Variants in PHRF1 observed in about 807,000 individuals in gnomAD.
The protein encoded by PHRF1 is PHD and ring finger domains 1, also known as PHD and RING finger domain-containing protein 1.
In PHRF1, 53 loss-of-function variants were observed where a neutral mutation model predicts 128.9. That is an observed-to-expected ratio of 0.41 (90% CI 0.33 to 0.52). PHRF1 has a LOEUF of 0.52. Ranked by LOEUF, PHRF1 falls within the 20% of genes least tolerant of loss-of-function variation. The probability of loss-of-function intolerance (pLI) is 0.21; values close to 1 mark genes in which losing one functional copy is unlikely to be tolerated. For missense variants in PHRF1, 2,503 were observed against 2,284.5 expected (o/e 1.10, Z -1.95); for synonymous variants, 1,178 against 980.6 (o/e 1.20, Z -3.76).
chr11:606,831 C>T (rs878899665), intron 13 of PHRF1: 2 of 873,034 alleles, frequency 2.3e-6, no homozygotes, highest in African/African-American at 1.7e-5. Context: ...GGGGTACTGC[C>T]CCCGCCCCTG....
chr11:592,801 C>A, intron 6 of PHRF1, 127 bp downstream of exon 6: 1 of 1,003,292 alleles, frequency 1.0e-6, no homozygotes, highest in Non-Finnish European at 1.5e-6. Flanking sequence ...GCTCACCACC[C>A]TCAGCAGCGC....
chr11:602,002 G>A (rs1855653419), intron 10 of PHRF1, among the ~76,000 whole-genome samples: 1 of 152,218 alleles, frequency 6.6e-6, no homozygotes, highest in African/African-American at 2.4e-5. Flanking sequence ...CGGGGAGCCA[G>A]GTGTGAGCCA....
At chr11:591,763 T>C (rs1001056652) in intron 5 of PHRF1, among the ~76,000 whole-genome samples, 1 of 152,172 alleles carries the variant, frequency 6.6e-6, no homozygotes, top group Non-Finnish European at 1.5e-5. Flanking sequence ...CTCTTTATTT[T>C]TGAGACACCA....
At chr11:579,140 A>G (rs1247884611) in intron 1 of PHRF1, among the ~76,000 whole-genome samples, 1 of 152,148 alleles carries the variant, frequency 6.6e-6, no homozygotes, top group African/African-American at 2.4e-5. Context: ...GCACCTGGCT[A>G]CCAATTCACA....
At position 596,712 on chromosome 11, in the gene PHRF1, A is replaced by G. The variant is rs185149596; in HGVS notation, c.621-211A>G. On this transcript the variant is annotated intron_variant, in intron 6 of 17. Coordinates refer to ENST00000264555, the MANE Select transcript of PHRF1 (RefSeq NM_001286581.2). Reference sequence around the variant, plus strand: ...GGCCTTCCCTCATCTAAGGACACCAATCCTATAACCTTAAAGGTTCCATGT... The same window carrying G: ...GGCCTTCCCTCATCTAAGGACACCAGTCCTATAACCTTAAAGGTTCCATGT... Among the ~76,000 whole-genome samples, 169 of 152,308 alleles carry G rather than the reference A, an allele frequency of 1.1e-3. 1 individual carries two copies. Among genetic ancestry groups the G allele is most frequent in the Admixed American group, 2.9e-3 (45 of 15,304 alleles).
At chr11:585,939 G>A (rs1854527872) in intron 3 of PHRF1, among the ~76,000 whole-genome samples, 1 of 152,068 alleles carries the variant, frequency 6.6e-6, no homozygotes, top group Non-Finnish European at 1.5e-5. Context: ...TAGGCTCACT[G>A]CAACCTCTGC....
intron 1 of PHRF1, among the ~76,000 whole-genome samples, chr11:577,101 C>T (rs1241728337): frequency 3.9e-5 from 6 of 152,232 alleles, no homozygotes; most frequent in African/African-American, 1.4e-4. Context: ...TCGTGGGCTT[C>T]TGGCCTTGTC....
In PHRF1 at chr11:608,277, T is replaced by A. The variant is rs777133168; in HGVS notation, c.2821T>A (p.Trp941Arg). The A allele has an allele frequency of 1.2e-6, 2 of 1,610,018 alleles. No individual in the cohort carries two copies. Among genetic ancestry groups the A allele is most frequent in the Non-Finnish European group, 1.7e-6 (2 of 1,179,380 alleles). ...GCGGAGGCCATCCCCCCCAGAGCCC[T>A]GGGATGAGGAGGATGGGGCGTCTTG... ...RLRRPSPPEPWDEEDGASCST... is the reference protein window; with the variant it reads ...RLRRPSPPEPRDEEDGASCST... Residue 941 changes from tryptophan to arginine, a missense_variant, in exon 14 of 18, where the codon TGG becomes AGG. By Grantham distance (101) the Trp-to-Arg change is moderately radical. Coordinates refer to ENST00000264555, the MANE Select transcript of PHRF1 (RefSeq NM_001286581.2).
At chr11:581,466 A>T (rs374743231) in intron 1 of PHRF1, 26 bp from the exon 2 acceptor site, 2 of 1,604,366 alleles carry the variant, frequency 1.2e-6, no homozygotes, top group African/African-American at 1.3e-5. Flanking sequence ...ACAGTTTGGA[A>T]GTTGCTTGGC....
chr11:600,512 A>ATATATATATATG lies in PHRF1; in HGVS notation c.1025-1055_1025-1054insATATGTATATAT, dbSNP rs1437772767. On this transcript the variant is annotated intron_variant, in intron 9 of 17. Coordinates refer to ENST00000264555, the MANE Select transcript of PHRF1 (RefSeq NM_001286581.2). ...TCCAAAAATATATATATATATATAT[A>ATATATATATATG]TATATATGGTTTATTTCTCCGTTTA... 6.2e-3 allele frequency among the ~76,000 whole-genome samples: 891 copies of ATATATATATATG among 144,518 alleles called. 23 individuals carry two copies. The highest frequency in any genetic ancestry group is 0.022 in the African/African-American group (847 of 38,078). The allele number at this position is 144,518 out of a possible 152,430, so 94.8% of individuals were successfully genotyped here.
intron 4 of PHRF1, among the ~76,000 whole-genome samples, chr11:590,537 G>T (rs1356874770): frequency 6.6e-6 from 1 of 152,198 alleles, no homozygotes; most frequent in African/African-American, 2.4e-5. Flanking sequence ...GTACTCCACA[G>T]GTTGTATATT....
Position 611,785 on chromosome 11 carries a change from C to T in PHRF1, c.*8C>T. ...CAGGGGGCCGAGGGCTGAGGCCAGG[C>T]AATCACGGGCTATGCCCGGGGAGCT... is the stretch of plus-strand genomic sequence containing the variant. On this transcript the variant is annotated 3_prime_UTR_variant, in exon 18 of 18. Transcript: ENST00000264555. 1.9e-6 allele frequency: 3 copies of T among 1,593,620 alleles called. No homozygotes were observed. The highest frequency in any genetic ancestry group is 2.6e-6 in the Non-Finnish European group (3 of 1,171,316).
intron 10 of PHRF1, among the ~76,000 whole-genome samples, chr11:603,143 C>G (rs1855737727): frequency 6.6e-6 from 1 of 152,120 alleles, no homozygotes. Context: ...CAGCCTTGAC[C>G]TCCCCAGGCC....
In PHRF1 at chr11:605,654, C is replaced by G; in HGVS notation, c.1384C>G (p.Arg462Gly). Residue 462 changes from arginine to glycine, a missense_variant, in exon 12 of 18, where the codon CGG (arginine) becomes GGG (glycine). Arg to Gly is a moderately radical substitution (Grantham distance 125, BLOSUM62 -2). Transcript: ENST00000264555. ...NPLSPLSAKR[R>G]ALSRSALQSH... Reference sequence around the variant, plus strand: ...TCTTTCCCCTCTGAGTGCCAAGAGACGGGCTCTGTCCCGGTCAGCCCTGCA... The same window carrying G: ...TCTTTCCCCTCTGAGTGCCAAGAGAGGGGCTCTGTCCCGGTCAGCCCTGCA... The G allele has an allele frequency of 3.7e-6, 6 of 1,613,674 alleles. No homozygotes were observed. Among genetic ancestry groups the G allele is most frequent in the Non-Finnish European group, 5.1e-6 (6 of 1,179,880 alleles).
intron 4 of PHRF1, among the ~76,000 whole-genome samples, chr11:589,881 AT>A (rs869222183): frequency 5.1e-4 from 53 of 104,246 alleles, no homozygotes; most frequent in African/African-American, 2.2e-3. Flanking sequence ...CAGCCTGAGA[AT>A]GTCTGCAAAC....
chr11:602,124 C>G (rs1855660309), intron 10 of PHRF1, among the ~76,000 whole-genome samples: 1 of 152,162 alleles, frequency 6.6e-6, no homozygotes, highest in East Asian at 1.9e-4. Context: ...AGGCCCTGTC[C>G]ACCTCTTCTG....
chr11:595,168 A>G (rs11246204), intron 6 of PHRF1, among the ~76,000 whole-genome samples: 1 of 152,218 alleles, frequency 6.6e-6, no homozygotes, highest in Non-Finnish European at 1.5e-5. Context: ...ACTAAAAATA[A>G]AAAAATTGGC....
At position 607,744 on chromosome 11, in the gene PHRF1, G is replaced by C; in HGVS notation, c.2288G>C (p.Gly763Ala). The C allele has an allele frequency of 4.3e-6, 7 of 1,612,320 alleles. No homozygotes were observed. Among genetic ancestry groups the C allele is most frequent in the Non-Finnish European group, 5.9e-6 (7 of 1,179,618 alleles). Reference sequence around the variant, plus strand: ...TCCCATGGCAGTTTGGCCCCACTGGGACCATCAAGAGGGAAAGGGGTCGGG... The same window carrying C: ...TCCCATGGCAGTTTGGCCCCACTGGCACCATCAAGAGGGAAAGGGGTCGGG... ...PSSHGSLAPL[G>A]PSRGKGVGST... The change falls in exon 14 of 18, where the codon GGA becomes GCA. Residue 763 changes from glycine to alanine, a missense_variant. Coordinates refer to ENST00000264555, the MANE Select transcript of PHRF1 (RefSeq NM_001286581.2).
chr11:591,237 C>G, intron 4 of PHRF1, 147 bp from the exon 5 acceptor site: 1 of 716,718 alleles, frequency 1.4e-6, no homozygotes, highest in South Asian at 1.7e-5. Flanking sequence ...TCGCTGTGCT[C>G]CCTCCACTGC....
Sources: allele counts gnomAD v4.1 joint callset (sites outside exome capture counted in the v4.1 genomes callset), GRCh38; gene constraint gnomAD v4.1.1; transcripts MANE v1.5; gene names NCBI Gene and HGNC (gene_info 2026-07-23, HGNC 2026-07-21).